WDFY1: variants seen among roughly 807,000 people sequenced by gnomAD.
WDFY1 encodes the protein WD repeat and FYVE domain-containing protein 1.
A neutral mutation model predicts 56.4 loss-of-function variants in WDFY1; 32 were observed. The ratio of observed to expected loss-of-function variants is 0.57; its 90% CI spans 0.43 to 0.76. The LOEUF (loss-of-function observed/expected upper bound fraction) is 0.76. Among genes scored for constraint, WDFY1 ranks in the 30% least tolerant of loss-of-function variants. The pLI is 0.00. For missense variants in WDFY1, 480 were observed against 545.7 expected, an observed-to-expected ratio of 0.88 and a Z score of 1.20; for synonymous variants, 192 against 197.3, an observed-to-expected ratio of 0.97 and a Z score of 0.23.
At position 223,878,600 on chromosome 2, in the gene WDFY1, G is replaced by C. The variant is rs1376959941; in HGVS notation, c.*71C>G. 4.3e-6 allele frequency: 5 copies of C among 1,169,630 alleles called. No homozygotes were observed. In the Admixed American group the frequency reaches 7.3e-5, roughly 17 times the overall value. 72.5% of individuals were successfully genotyped at this position (1,169,630 alleles called of 1,614,324 possible). A position where few individuals can be genotyped will look rare whatever the true frequency, so the allele number is the denominator to read the frequency against. On this transcript the variant is annotated 3_prime_UTR_variant, in exon 12 of 12. Transcript: ENST00000233055. ...CTGTCCATTCACGAGACAGCGCTGTGGAGCTGCGTGAGAGGGACTTCATTT... is the reference window on the plus strand; with the variant it reads ...CTGTCCATTCACGAGACAGCGCTGTCGAGCTGCGTGAGAGGGACTTCATTT...
intron 6 of WDFY1, among the ~76,000 whole-genome samples, chr2:223,897,659 T>A (rs1693420368): frequency 6.6e-6 from 1 of 151,892 alleles, no homozygotes; most frequent in South Asian, 2.1e-4. Flanking sequence ...GGATTACAGG[T>A]GTAAGCCAAC....
At chr2:223,943,972 C>T (rs1435902403) in intron 1 of WDFY1, among the ~76,000 whole-genome samples, 1 of 152,174 alleles carries the variant, frequency 6.6e-6, no homozygotes, top group East Asian at 1.9e-4. Context: ...GTGTGCATGC[C>T]AATTAACATG....
At chr2:223,940,912 T>A (rs1689293424) in intron 1 of WDFY1, among the ~76,000 whole-genome samples, 1 of 152,166 alleles carries the variant, frequency 6.6e-6, no homozygotes, top group East Asian at 1.9e-4. Context: ...AACCTCTGCT[T>A]CCTGGGTTCA....
At chr2:223,910,029 C>G (rs1693667440) in intron 3 of WDFY1, among the ~76,000 whole-genome samples, 1 of 152,192 alleles carries the variant, frequency 6.6e-6, no homozygotes, top group African/African-American at 2.4e-5. Flanking sequence ...TCCAATCGCC[C>G]TAGGGTGCCC....
chr2:223,943,545 T>C (rs563141638), intron 1 of WDFY1, among the ~76,000 whole-genome samples: 4 of 152,320 alleles, frequency 2.6e-5, no homozygotes, highest in South Asian at 2.1e-4. Context: ...CGCCTTCAGC[T>C]TTAAGAGAAT....
At chr2:223,917,770 C>T (rs1693813233) in intron 2 of WDFY1, among the ~76,000 whole-genome samples, 173 bp downstream of exon 2, 1 of 152,030 alleles carries the variant, frequency 6.6e-6, no homozygotes, top group African/African-American at 2.4e-5. Flanking sequence ...CGGGCTTTCA[C>T]CATGTTGGTC....
chr2:223,908,407 A>C (rs1693638039), intron 3 of WDFY1, among the ~76,000 whole-genome samples: 1 of 152,018 alleles, frequency 6.6e-6, no homozygotes, highest in African/African-American at 2.4e-5. Context: ...GCCATCCCAA[A>C]GGCACTAGCC....
At chr2:223,937,449 CAACT>C (rs2106104457) in intron 1 of WDFY1, among the ~76,000 whole-genome samples, 1 of 152,280 alleles carries the variant, frequency 6.6e-6, no homozygotes, top group South Asian at 2.1e-4. Flanking sequence ...AAAACAATAA[CAACT>C]AACACTTGCA....
At chr2:223,896,594 T>G (rs560910941) in intron 6 of WDFY1, among the ~76,000 whole-genome samples, 11 of 152,362 alleles carry the variant, frequency 7.2e-5, no homozygotes, top group South Asian at 2.1e-4. Flanking sequence ...CTTTCCTTGT[T>G]CATCGACTGC....
At chr2:223,880,301 T>C (rs1407150368) in intron 10 of WDFY1, 69 bp from the exon 11 acceptor site, 10 of 1,441,260 alleles carry the variant, frequency 6.9e-6, no homozygotes, top group Non-Finnish European at 7.8e-6. Flanking sequence ...TAAGCTTTTT[T>C]AGCAACATAA....
chr2:223,945,033 G>A, intron 1 of WDFY1, 115 bp downstream of exon 1: 1 of 1,241,730 alleles, frequency 8.1e-7, no homozygotes, highest in Non-Finnish European at 1.1e-6. Context: ...GTGGGGGTGG[G>A]GCCGTGCTGC....
At chr2:223,885,721 G>C (rs536227120) in intron 8 of WDFY1, among the ~76,000 whole-genome samples, 2 of 152,154 alleles carry the variant, frequency 1.3e-5, no homozygotes, top group Non-Finnish European at 2.9e-5. Flanking sequence ...AAAGGCTTGC[G>C]GGGTCACAGG....
At chr2:223,886,757 T>C (rs1006219273) in intron 8 of WDFY1, among the ~76,000 whole-genome samples, 1 of 146,892 alleles carries the variant, frequency 6.8e-6, no homozygotes, top group African/African-American at 2.5e-5. Context: ...AAAGCCTGTT[T>C]AACCCCAATC....
At chr2:223,921,936 T>TCC (rs2106094878) in intron 1 of WDFY1, among the ~76,000 whole-genome samples, 1 of 152,264 alleles carries the variant, frequency 6.6e-6, no homozygotes, top group Non-Finnish European at 1.5e-5. Context: ...GACTCTTGCC[T>TCC]CCCTCTGCTC....
At position 223,945,210 on chromosome 2, in the gene WDFY1, G is replaced by C; in HGVS notation, c.75C>G (p.Asp25Glu). 1 of 1,599,008 alleles carries C rather than the reference G, an allele frequency of 6.3e-7. No individual in the cohort carries two copies. The highest frequency in any genetic ancestry group is 8.5e-7 in the Non-Finnish European group (1 of 1,175,712). Residue 25 changes from aspartate to glutamate, a missense_variant, in exon 1 of 12, where the codon GAC becomes GAG. By Grantham distance (45) the Asp-to-Glu change is conservative (BLOSUM62 2). Coordinates refer to ENST00000233055, the MANE Select transcript of WDFY1 (RefSeq NM_020830.5). ...GGATGAGCAGCGCGGCCGTGACGGC[G>C]TCCTGGTGCCCCTCGATCTTGCTCA... ...VLLSKIEGHQDAVTAALLIPK... is the reference protein window; with the variant it reads ...VLLSKIEGHQEAVTAALLIPK...
chr2:223,918,016 GAGAAA>G lies in WDFY1; in HGVS notation c.138-11_138-7del. On this transcript the variant is annotated splice_polypyrimidine_tract_variant and splice_region_variant and intron_variant, in intron 1 of 11. Coordinates refer to ENST00000233055, the MANE Select transcript of WDFY1 (RefSeq NM_020830.5). ...TCAGCCATACCCGGATGGTTCTGTG[GAGAAA>G]AGAAAAGAAAAAATAGAGTAGGTTT... The G allele has an allele frequency of 6.2e-7, 1 of 1,613,008 alleles. No homozygotes were observed.
chr2:223,922,005 C>A (rs1366693512), intron 1 of WDFY1, among the ~76,000 whole-genome samples: 2 of 152,146 alleles, frequency 1.3e-5, no homozygotes, highest in African/African-American at 4.8e-5. Context: ...GATCACAGTG[C>A]CCCTATGCTC....
At chr2:223,897,445 C>A (rs1693412164) in intron 6 of WDFY1, among the ~76,000 whole-genome samples, 1 of 144,448 alleles carries the variant, frequency 6.9e-6, no homozygotes, top group Non-Finnish European at 1.5e-5. Flanking sequence ...ATGGCATGAT[C>A]TTGGCTCACT....
At chr2:223,899,507 G>A (rs1445601516) in intron 5 of WDFY1, among the ~76,000 whole-genome samples, 2 of 152,204 alleles carry the variant, frequency 1.3e-5, no homozygotes, top group Non-Finnish European at 1.5e-5. Flanking sequence ...CACTTTGGGA[G>A]GCTGAGGCGG....
Sources: gnomAD v4.1 joint callset for allele counts (sites outside exome capture counted in the v4.1 genomes callset) on GRCh38, gnomAD v4.1.1 for gene constraint, MANE v1.5 for transcripts, NCBI Gene and HGNC (gene_info 2026-07-23, HGNC 2026-07-21) for gene names.